Variants in IRAG2 observed in about 807,000 individuals in gnomAD.
The protein encoded by IRAG2 is lymphoid restricted membrane protein.
In IRAG2, 45 loss-of-function variants were observed where a neutral mutation model predicts 69.9. That is an observed-to-expected ratio of 0.64 (90% CI 0.51 to 0.83). The LOEUF is 0.83. Among genes scored for constraint, IRAG2 ranks in the 40% least tolerant of loss-of-function variants. The pLI is 0.00. For synonymous variants in IRAG2, 193 were observed against 202.4 expected (o/e 0.95, Z 0.40); for missense variants, 520 against 587.0 (o/e 0.89, Z 1.18).
intron 9 of IRAG2, among the ~76,000 whole-genome samples, chr12:25,081,020 C>A (rs796842091): frequency 6.6e-6 from 1 of 152,282 alleles, no homozygotes; most frequent in African/African-American, 2.4e-5. Context: ...AAATCCTATA[C>A]ACACTATGTT....
intron 7 of IRAG2, among the ~76,000 whole-genome samples, chr12:25,023,391 C>T (rs1944598109): frequency 6.6e-6 from 1 of 151,584 alleles, no homozygotes; most frequent in Admixed American, 6.6e-5. Flanking sequence ...ATAGCCTGTC[C>T]TGAAATATAT....
chr12:25,080,218 AC>A (rs150682501), intron 9 of IRAG2, among the ~76,000 whole-genome samples: 5,713 of 152,254 alleles, frequency 0.038, 132 homozygotes, highest in Middle Eastern at 0.061. Context: ...CTTTTCTGCT[AC>A]TTGACTCTGA....
intron 16 of IRAG2, among the ~76,000 whole-genome samples, chr12:25,039,710 G>A (rs1041278387): frequency 5.9e-5 from 9 of 152,188 alleles, no homozygotes; most frequent in African/African-American, 1.9e-4. Context: ...GATTACAGGC[G>A]TGAGCCACCA....
chr12:25,018,391 AGACAAGGTCTT>A (rs796670457), intron 6 of IRAG2, among the ~76,000 whole-genome samples: 5 of 151,650 alleles, frequency 3.3e-5, no homozygotes, highest in African/African-American at 1.2e-4. Context: ...GTTTTTGTAG[AGACAAGGTCTT>A]GCCATGTTGC....
intron 2 of IRAG2, among the ~76,000 whole-genome samples, chr12:25,009,130 C>T (rs1396455238): frequency 6.6e-6 from 1 of 152,100 alleles, no homozygotes; most frequent in African/African-American, 2.4e-5. Flanking sequence ...TAGCAAGACC[C>T]TGTCTCTACA....
At chr12:25,089,867 C>T (rs1947915783) in intron 13 of IRAG2, 77 bp downstream of exon 13, 2 of 1,461,326 alleles carry the variant, frequency 1.4e-6, no homozygotes, top group Non-Finnish European at 1.9e-6. Context: ...CATGTTTTGG[C>T]ACAAGCTCTC....
intron 15 of IRAG2, among the ~76,000 whole-genome samples, chr12:25,100,286 G>A (rs916493492): frequency 3.3e-5 from 5 of 152,026 alleles, no homozygotes; most frequent in African/African-American, 9.7e-5. Context: ...AACACTGTAC[G>A]TTGCTGGGAG....
At chr12:25,092,841 TAAGA>T (rs1344024224) in intron 14 of IRAG2, 1 of 160,170 alleles carries the variant, frequency 6.2e-6, no homozygotes, top group East Asian at 1.6e-4. Context: ...TTGAATTAGA[TAAGA>T]AATAGCTGCA....
At chr12:24,997,795 A>G in the IRAG2 span, among the ~76,000 whole-genome samples, 1 of 152,226 alleles carries the variant, frequency 6.6e-6, no homozygotes, top group African/African-American at 2.4e-5. Flanking sequence ...AGTCTATATT[A>G]GAGGTTCAAC....
intron 1 of IRAG2, among the ~76,000 whole-genome samples, chr12:25,055,659 A>C (rs1041327699): frequency 2.6e-5 from 4 of 151,944 alleles, no homozygotes; most frequent in African/African-American, 9.7e-5. Flanking sequence ...CCTGTGTCCA[A>C]GTGTTCTCAT....
chr12:25,090,873 A>C, intron 14 of IRAG2: 1 of 454,198 alleles, frequency 2.2e-6, no homozygotes, highest in Middle Eastern at 3.3e-4. Context: ...TTAAGCTTCA[A>C]AGAAGAGAAT....
At chr12:25,084,537 A>AGG (rs771625966) in intron 10 of IRAG2, among the ~76,000 whole-genome samples, 45 of 124,686 alleles carry the variant, frequency 3.6e-4, no homozygotes, top group Admixed American at 3.4e-3. Flanking sequence ...GTATGCATGG[A>AGG]GGGGTGTGTG....
chr12:25,080,595 A>G (rs1420565673), intron 9 of IRAG2, among the ~76,000 whole-genome samples: 5 of 151,880 alleles, frequency 3.3e-5, no homozygotes, highest in Non-Finnish European at 7.4e-5. Flanking sequence ...CTCGTGATCC[A>G]CCCTCCTTGG....
intron 14 of IRAG2, among the ~76,000 whole-genome samples, chr12:25,096,243 T>C (rs769220799): frequency 3.0e-4 from 45 of 152,238 alleles, no homozygotes; most frequent in Non-Finnish European, 5.1e-4. Flanking sequence ...TTCTTAATGA[T>C]ATACAAAATC....
chr12:25,069,511 G>T (rs946763280), intron 6 of IRAG2, 80 bp downstream of exon 6: 4 of 1,285,542 alleles, frequency 3.1e-6, no homozygotes, highest in African/African-American at 1.5e-5. Flanking sequence ...CTTTTTCCCT[G>T]TCTTTTTTAT....
chr12:25,103,239 A>G (rs1004851623), intron 17 of IRAG2: 1 of 152,642 alleles, frequency 6.6e-6, no homozygotes, highest in Non-Finnish European at 1.5e-5. Context: ...CTCAAGAAAC[A>G]CTTTCATTCA....
chr12:25,017,065 C>A (rs974445597), intron 5 of IRAG2: 5 of 1,180,048 alleles, frequency 4.2e-6, no homozygotes, highest in African/African-American at 1.6e-5. Flanking sequence ...TTTGTTTAAC[C>A]GTATACCTTA....
intron 14 of IRAG2, among the ~76,000 whole-genome samples, chr12:25,094,877 T>G (rs1164914120): frequency 6.6e-6 from 1 of 152,220 alleles, no homozygotes; most frequent in Non-Finnish European, 1.5e-5. Context: ...TTTTTGGAAA[T>G]TGTTAGTGTG....
chr12:25,026,863 C>T, exon 9 of IRAG2: 1 of 1,223,318 alleles, frequency 8.2e-7, no homozygotes, highest in Non-Finnish European at 1.0e-6. Flanking sequence ...AGACAGAGCA[C>T]CAAGTAAGCA....
Sources: allele counts gnomAD v4.1 joint callset (sites outside exome capture counted in the v4.1 genomes callset), GRCh38; gene constraint gnomAD v4.1.1; transcripts MANE v1.5; gene names NCBI Gene and HGNC (gene_info 2026-07-23, HGNC 2026-07-21).